The following KAZN variants were observed in gnomAD, a reference collection of about 807,000 sequenced individuals.
KAZN encodes the protein kazrin.
KAZN carries 40 observed loss-of-function variants against 87.4 expected under a neutral mutation model. The observed-to-expected ratio is 0.46, with a 90% confidence interval of 0.36 to 0.60. The LOEUF (loss-of-function observed/expected upper bound fraction) is 0.60. KAZN is among the 20% of genes least tolerant of loss of function. The probability of loss-of-function intolerance (pLI) is 0.00; values close to 1 mark genes in which losing one functional copy is unlikely to be tolerated. For missense variants in KAZN, 898 were observed against 1,073.9 expected, an observed-to-expected ratio of 0.84 and a Z score of 2.29; for synonymous variants, 466 against 458.3, an observed-to-expected ratio of 1.02 and a Z score of -0.22.
chr1:14,618,239 G>A (rs1572059073), intron 1 of KAZN, among the ~76,000 whole-genome samples: 1 of 152,228 alleles, frequency 6.6e-6, no homozygotes, highest in East Asian at 1.9e-4. Flanking sequence ...TTCTAGTGAT[G>A]AGAGTGAGGA....
rs891396760 is a variant in KAZN, at chr1:14,198,315, T to A, written c.249+17723T>A. 7.9e-5 allele frequency among the ~76,000 whole-genome samples: 12 copies of A among 152,206 alleles called. 1 individual carries two copies. In the East Asian group the frequency reaches 2.3e-3, roughly 29 times the overall value. ...AGTAGATGATGGCAAAAAGACTTGA[T>A]GGGGTCAGGCATAGTGGCTCACACC... is the stretch of plus-strand genomic sequence containing the variant. On this transcript the variant is annotated intron_variant, in intron 2 of 16. Coordinates refer to the KAZN transcript ENST00000636203.
intron 1 of KAZN, among the ~76,000 whole-genome samples, chr1:14,900,719 A>G (rs1486788421): frequency 6.8e-6 from 1 of 147,512 alleles, no homozygotes; most frequent in Non-Finnish European, 1.5e-5. Flanking sequence ...GCGCCACTGC[A>G]CTCCAGCCTG....
At chr1:14,336,248 C>T (rs905185391) in intron 2 of KAZN, among the ~76,000 whole-genome samples, 1 of 152,136 alleles carries the variant, frequency 6.6e-6, no homozygotes, top group Non-Finnish European at 1.5e-5. Flanking sequence ...CTGGCTTCTC[C>T]CACTTGGTGT....
chr1:14,915,814 G>A (rs139759900), intron 1 of KAZN, among the ~76,000 whole-genome samples: 38 of 152,268 alleles, frequency 2.5e-4, no homozygotes, highest in African/African-American at 8.4e-4. Flanking sequence ...GGGTGGCTTG[G>A]CGGGTTGAAT....
At chr1:14,307,237 C>G (rs996709250) in intron 2 of KAZN, among the ~76,000 whole-genome samples, 4 of 152,176 alleles carry the variant, frequency 2.6e-5, no homozygotes, top group Non-Finnish European at 5.9e-5. Context: ...AGATAACAGT[C>G]CACTCTGCCT....
intron 1 of KAZN, among the ~76,000 whole-genome samples, chr1:14,605,751 TA>T (rs1321042908): frequency 5.3e-5 from 8 of 152,162 alleles, no homozygotes. Flanking sequence ...AATTCACATA[TA>T]AGTGGACCTG....
At chr1:14,613,427 T>C (rs562529119) in intron 1 of KAZN, among the ~76,000 whole-genome samples, 1 of 152,332 alleles carries the variant, frequency 6.6e-6, no homozygotes, top group South Asian at 2.1e-4. Context: ...GGCTATTCCA[T>C]ACCACAAGTT....
At chr1:14,238,358 G>A (rs975757729) in intron 2 of KAZN, among the ~76,000 whole-genome samples, 5 of 152,224 alleles carry the variant, frequency 3.3e-5, no homozygotes, top group Non-Finnish European at 5.9e-5. Context: ...GAGACCCACT[G>A]TCTGGGTGTC....
chr1:14,807,985 G>A (rs1033068558), intron 1 of KAZN, among the ~76,000 whole-genome samples: 2 of 152,142 alleles, frequency 1.3e-5, no homozygotes, highest in Non-Finnish European at 2.9e-5. Flanking sequence ...CCAAGACAAA[G>A]GAGCAAGGAA....
intron 1 of KAZN, among the ~76,000 whole-genome samples, chr1:14,046,624 G>T (rs529750432): frequency 2.0e-5 from 3 of 152,286 alleles, no homozygotes; most frequent in African/African-American, 7.2e-5. Context: ...TGAACTCTCA[G>T]ACAGTCCCTG....
At chr1:14,457,107 A>G (rs1438971639) in intron 2 of KAZN, among the ~76,000 whole-genome samples, 2 of 152,128 alleles carry the variant, frequency 1.3e-5, no homozygotes, top group Non-Finnish European at 2.9e-5. Context: ...AAAGAAGCAT[A>G]TATTTAATTT....
intron 2 of KAZN, among the ~76,000 whole-genome samples, chr1:14,206,298 C>T (rs1326290485): frequency 6.6e-6 from 1 of 152,042 alleles, no homozygotes; most frequent in Non-Finnish European, 1.5e-5. Flanking sequence ...TAGATGCATG[C>T]AGAACAGAAA....
intron 2 of KAZN, among the ~76,000 whole-genome samples, chr1:14,229,568 C>A (rs1199483677): frequency 6.6e-6 from 1 of 152,126 alleles, no homozygotes; most frequent in South Asian, 2.1e-4. Context: ...TGGCAAACAA[C>A]GTCTCTAATG....
chr1:14,288,297 T>A (rs1206947946), intron 2 of KAZN, among the ~76,000 whole-genome samples: 1 of 152,216 alleles, frequency 6.6e-6, no homozygotes, highest in African/African-American at 2.4e-5. Flanking sequence ...TGGCTGTGTA[T>A]CCATCTGGTC....
At chr1:14,433,185 C>T (rs1666181866) in intron 2 of KAZN, among the ~76,000 whole-genome samples, 1 of 152,146 alleles carries the variant, frequency 6.6e-6, no homozygotes, top group African/African-American at 2.4e-5. Context: ...TGACGCCACT[C>T]CTGCCAGTCA....
chr1:14,300,542 T>C (rs1171729256), intron 2 of KAZN, among the ~76,000 whole-genome samples: 2 of 152,190 alleles, frequency 1.3e-5, no homozygotes, highest in Admixed American at 6.5e-5. Context: ...AGCCGGATTT[T>C]AGGCAGTAGA....
rs1650086137 is a variant in KAZN at position 14,856,212 on chromosome 1, A to G, written c.227-104472A>G. 6.6e-6 allele frequency among the ~76,000 whole-genome samples: 1 copy of G among 152,074 alleles called. No homozygotes were observed. The highest frequency in any genetic ancestry group is 1.5e-5 in the Non-Finnish European group (1 of 68,008). ...AATGGGCATAGAAATTGGGGAGGGG[A>G]TGAAAAGAGGGGAAGGGAAGACCAG... On this transcript the variant is annotated intron_variant, in intron 1 of 14. Transcript: ENST00000376030. This position sits in a 1 kb window ranked among gnomAD's most constrained non-coding sequence, Gnocchi z 5.2.
At chr1:14,458,753 T>C (rs1353576340) in intron 2 of KAZN, among the ~76,000 whole-genome samples, 1 of 152,206 alleles carries the variant, frequency 6.6e-6, no homozygotes, top group African/African-American at 2.4e-5. Flanking sequence ...TTTAAATTTG[T>C]TATTCATGGG....
chr1:14,276,898 T>C (rs1464741842), intron 2 of KAZN, among the ~76,000 whole-genome samples: 1 of 152,222 alleles, frequency 6.6e-6, no homozygotes, highest in Non-Finnish European at 1.5e-5. Context: ...TTTAAATACA[T>C]TGTTGAATGT....
Sources: allele counts gnomAD v4.1 joint callset (sites outside exome capture counted in the v4.1 genomes callset), GRCh38; gene constraint gnomAD v4.1.1; non-coding constraint Gnocchi (gnomAD v3.1); transcripts MANE v1.5; gene names NCBI Gene and HGNC (gene_info 2026-07-23, HGNC 2026-07-21).